Variants in SLC6A6 observed in about 807,000 individuals in gnomAD.
The protein encoded by SLC6A6 is sodium- and chloride-dependent taurine transporter.
In SLC6A6, 16 loss-of-function variants were observed where a neutral mutation model predicts 68.8. The ratio of observed to expected loss-of-function variants is 0.23; its 90% confidence interval spans 0.16 to 0.35. The LOEUF (loss-of-function observed/expected upper bound fraction) is 0.35, where lower values mean the gene tolerates loss of function less well. SLC6A6 is among the 10% of genes least tolerant of loss of function. The pLI, the probability that SLC6A6 is intolerant of heterozygous loss-of-function variation, is 1.00. For synonymous variants in SLC6A6, 312 were observed against 315.4 expected (o/e 0.99, Z 0.12); for missense variants, 474 against 802.8 (o/e 0.59, Z 4.95).
chr3:14,479,807 A>G (rs991703179), intron 13 of SLC6A6, among the ~76,000 whole-genome samples: 3 of 152,158 alleles, frequency 2.0e-5, no homozygotes, highest in Admixed American at 6.5e-5. Flanking sequence ...AGTCTGCTTC[A>G]TGGTCGCACT....
At position 14,486,758 on chromosome 3, in the gene SLC6A6, C is replaced by T. The variant is rs915703515; in HGVS notation, c.*1751C>T. On this transcript the variant is annotated 3_prime_UTR_variant, in exon 15 of 15. Coordinates refer to ENST00000622186, the MANE Select transcript of SLC6A6 (RefSeq NM_003043.6). ...AGGGGCTCTTGGAACCCTGGAAACC[C>T]CCTTCTTAAATTTGGGAGGAGGAGT... 2.6e-5 allele frequency: 4 copies of T among 152,462 alleles called. No individual in the cohort carries two copies. Among genetic ancestry groups the T allele is most frequent in the African/African-American group, 9.7e-5 (4 of 41,436 alleles). 9.4% of individuals were successfully genotyped at this position (152,462 alleles called of 1,614,324 possible).
intron 6 of SLC6A6, among the ~76,000 whole-genome samples, chr3:14,458,367 C>T (rs141177059): frequency 1.4e-3 from 211 of 152,386 alleles, no homozygotes; most frequent in Non-Finnish European, 2.7e-3. Context: ...CAGGAGCCTA[C>T]ACGAGCTAGC....
rs78005029 is a variant in SLC6A6 at position 14,437,688 on chromosome 3, C to A, written c.-11-5936C>A. On this transcript the variant is annotated intron_variant, in intron 2 of 14. Coordinates refer to ENST00000622186, the MANE Select transcript of SLC6A6 (RefSeq NM_003043.6). Reference sequence around the variant, plus strand: ...GTTATTAATTTTAATCAGCATGACACCATGACATACATAATAGATCTATCA... The same window carrying A: ...GTTATTAATTTTAATCAGCATGACAACATGACATACATAATAGATCTATCA... 9.0e-3 allele frequency among the ~76,000 whole-genome samples: 1,368 copies of A among 152,164 alleles called. 15 individuals are homozygous for A. Among genetic ancestry groups the A allele is most frequent in the African/African-American group, 0.031 (1,291 of 41,528 alleles).
rs1244502220 is a variant in SLC6A6, at chr3:14,487,793, C to G, written c.*2786C>G. 5 of 152,238 alleles carry G rather than the reference C, an allele frequency of 3.3e-5. No homozygotes were observed. The highest frequency in any genetic ancestry group is 1.5e-5 in the Non-Finnish European group (1 of 68,074). The allele number at this position is 152,238 out of a possible 1,614,324, so 9.4% of individuals were successfully genotyped here. A position where few individuals can be genotyped will look rare whatever the true frequency, so the allele number is the denominator to read the frequency against. ...AGGAATGGATTTTCTTGAAACAGCT[C>G]TAGCTGCAGGTTCTCCGAGGTAGGT... On this transcript the variant is annotated 3_prime_UTR_variant, in exon 15 of 15. Transcript: ENST00000622186.
At chr3:14,420,958 A>T (rs74583217) in intron 2 of SLC6A6, among the ~76,000 whole-genome samples, 1 of 152,168 alleles carries the variant, frequency 6.6e-6, no homozygotes, top group Non-Finnish European at 1.5e-5. Context: ...GCGTCTTTAC[A>T]CGTTGGTCTA....
intron 14 of SLC6A6, among the ~76,000 whole-genome samples, chr3:14,483,264 G>C (rs1701052018): frequency 6.6e-6 from 1 of 152,210 alleles, no homozygotes; most frequent in Non-Finnish European, 1.5e-5. Context: ...GTGCCAGTCT[G>C]ACTTCACCAA....
At chr3:14,447,853 G>A in intron 5 of SLC6A6, 37 bp downstream of exon 5, 1 of 1,611,522 alleles carries the variant, frequency 6.2e-7, no homozygotes, top group Non-Finnish European at 8.5e-7. Context: ...GGAGGACATG[G>A]GTGGGGCAGA....
At chr3:14,466,220 C>T (rs1344866602) in intron 6 of SLC6A6, among the ~76,000 whole-genome samples, 2 of 150,154 alleles carry the variant, frequency 1.3e-5, no homozygotes, top group African/African-American at 4.9e-5. Context: ...CGAGATCGTG[C>T]CATTGCACTC....
At chr3:14,476,603 A>C (rs1574965793) in intron 10 of SLC6A6, among the ~76,000 whole-genome samples, 1 of 152,180 alleles carries the variant, frequency 6.6e-6, no homozygotes. Flanking sequence ...TCTGACCTGA[A>C]CTGCCTGCCA....
In SLC6A6 at chr3:14,472,708, G is replaced by A. The variant is rs889900400; in HGVS notation, c.1209+391G>A. ...TCATGATGTGCTCCAGTGGAGCGTC[G>A]GCGGGGCACAGGAGGACATGGCAGA... On this transcript the variant is annotated intron_variant, in intron 10 of 14. Transcript: ENST00000622186. The surrounding 1 kb of genome is among the most constrained non-coding windows in gnomAD (Gnocchi z 4.5). Among the ~76,000 whole-genome samples the A allele has an allele frequency of 1.3e-5, 2 of 152,156 alleles. No individual in the cohort carries two copies. Among genetic ancestry groups the A allele is most frequent in the African/African-American group, 4.8e-5 (2 of 41,416 alleles).
chr3:14,435,341 G>A (rs1003087395), intron 2 of SLC6A6, among the ~76,000 whole-genome samples: 4 of 152,202 alleles, frequency 2.6e-5, no homozygotes, highest in East Asian at 1.9e-4. Flanking sequence ...GGCTTCTAGC[G>A]GAGGTCGGGG....
At chr3:14,454,882 G>GTCTCA (rs1700335071) in intron 5 of SLC6A6, among the ~76,000 whole-genome samples, 1 of 152,130 alleles carries the variant, frequency 6.6e-6, no homozygotes, top group South Asian at 2.1e-4. Flanking sequence ...TAGGGAGCAT[G>GTCTCA]TCTCATGCAC....
rs779143510 is a variant in SLC6A6 at position 14,484,816 on chromosome 3, GA to G, written c.1723-50del. ...GGAGGCAGATGGCCCTGGCGAAGGG[GA>G]GACCAGGCCGCCTGACGTTTCCCCC... On this transcript the variant is annotated intron_variant, in intron 14 of 14. Transcript: ENST00000622186. 1.6e-5 allele frequency: 26 copies of G among 1,596,392 alleles called. No homozygotes were observed. The East Asian group carries it at 5.8e-4, about 36-fold the overall frequency.
At chr3:14,465,041 G>A (rs1417964332) in intron 6 of SLC6A6, among the ~76,000 whole-genome samples, 4 of 152,158 alleles carry the variant, frequency 2.6e-5, no homozygotes, top group African/African-American at 7.2e-5. Flanking sequence ...GTAAACCACC[G>A]TCCTGGGGGG....
intron 2 of SLC6A6, among the ~76,000 whole-genome samples, chr3:14,431,262 T>C (rs946969365): frequency 2.0e-5 from 3 of 152,178 alleles, no homozygotes; most frequent in Non-Finnish European, 4.4e-5. Flanking sequence ...GTAGAGGAGC[T>C]CTCAGAATGC....
At chr3:14,406,653 G>A (rs891731793) in intron 1 of SLC6A6, among the ~76,000 whole-genome samples, 2 of 152,174 alleles carry the variant, frequency 1.3e-5, no homozygotes, top group Non-Finnish European at 2.9e-5. Flanking sequence ...TCCTGGACAG[G>A]TCTGCGGAGT....
At chr3:14,420,545 C>T (rs1196425195) in intron 2 of SLC6A6, among the ~76,000 whole-genome samples, 4 of 143,916 alleles carry the variant, frequency 2.8e-5, no homozygotes, top group Non-Finnish European at 4.4e-5. Context: ...GGCTGGAGAG[C>T]AGTGGTGTGA....
rs1559301748 is a variant in SLC6A6 at position 14,450,270 on chromosome 3, C to T, written c.599+2454C>T. Among the ~76,000 whole-genome samples the T allele has an allele frequency of 6.6e-6, 1 of 152,096 alleles. No individual in the cohort carries two copies. The highest frequency in any genetic ancestry group is 1.5e-5 in the Non-Finnish European group (1 of 68,024). ...TCAGGTTGGCCAGTCCTCACTCACA[C>T]CTTCCAGAGGGACCGGGCCCTCGGG... On this transcript the variant is annotated intron_variant, in intron 5 of 14. Transcript: ENST00000622186. The surrounding 1 kb of genome is among the most constrained non-coding windows in gnomAD (Gnocchi z 4.1).
At chr3:14,454,663 T>TA (rs1700330677) in intron 5 of SLC6A6, among the ~76,000 whole-genome samples, 1 of 152,200 alleles carries the variant, frequency 6.6e-6, no homozygotes, top group Non-Finnish European at 1.5e-5. Context: ...CGTGGCCCGT[T>TA]ATAAAGCTTT....
Sources: allele counts gnomAD v4.1 joint callset (sites outside exome capture counted in the v4.1 genomes callset), GRCh38; gene constraint gnomAD v4.1.1; non-coding constraint Gnocchi (gnomAD v3.1); transcripts MANE v1.5; gene names NCBI Gene and HGNC (gene_info 2026-07-23, HGNC 2026-07-21).